Variants in PRIM2 observed in about 807,000 individuals in gnomAD.
The protein encoded by PRIM2 is DNA primase subunit 2, also known as DNA primase large subunit.
In PRIM2, 39 loss-of-function variants were observed where a neutral mutation model predicts 67.3. That is an observed-to-expected ratio of 0.58 (90% confidence interval 0.45 to 0.76). The LOEUF is 0.76. Among genes scored for constraint, PRIM2 ranks in the 30% least tolerant of loss-of-function variants. The pLI, the probability that PRIM2 is intolerant of heterozygous loss-of-function variation, is 0.00. For synonymous variants in PRIM2, 143 were observed against 198.7 expected, an observed-to-expected ratio of 0.72 and a Z score of 2.36; for missense variants, 398 against 598.7, an observed-to-expected ratio of 0.66 and a Z score of 3.50.
At chr6:57,387,579 T>G (rs569032939) in intron 7 of PRIM2, among the ~76,000 whole-genome samples, 8 of 152,180 alleles carry the variant, frequency 5.3e-5, no homozygotes, top group Non-Finnish European at 1.2e-4. Flanking sequence ...GTGATTTAGG[T>G]CTTCAAACTC....
chr6:57,507,442 T>A lies in PRIM2; in HGVS notation c.749T>A (p.Leu250His). The change falls in exon 8 of 14, where the codon CTC becomes CAC. Residue 250 changes from leucine (L) to histidine (H), a missense_variant. By Grantham distance (99) the Leu-to-His change is moderately conservative (BLOSUM62 -3). Coordinates refer to ENST00000615550, the MANE Select transcript of PRIM2 (RefSeq NM_000947.5). ...TCTGATGAAAGACTTCAGCCTCTGC[T>A]CAATCACCTCAGGTAATATAAGGGC... Reference protein sequence around the residue: ...VQSDERLQPLLNHLSHSYTGQ... With the variant: ...VQSDERLQPLHNHLSHSYTGQ... The A allele has an allele frequency of 2.6e-6, 4 of 1,539,688 alleles. No individual in the cohort carries two copies. The East Asian group carries it at 9.6e-5, about 37-fold the overall frequency.
chr6:57,223,087 G>A, the PRIM2 span, among the ~76,000 whole-genome samples: 1 of 152,104 alleles, frequency 6.6e-6, no homozygotes, highest in Non-Finnish European at 1.5e-5. Flanking sequence ...AAATTACACA[G>A]AGTTCATATA....
intron 7 of PRIM2, among the ~76,000 whole-genome samples, chr6:57,399,774 T>C (rs6938121): frequency 0.71 from 106,611 of 149,310 alleles, 38,187 homozygotes; most frequent in African/African-American, 0.81. Context: ...TTTTGATTTG[T>C]ATTTCTCTGA....
At chr6:57,642,444 T>A (rs1777257918) in intron 13 of PRIM2, among the ~76,000 whole-genome samples, 1 of 104,770 alleles carries the variant, frequency 9.5e-6, no homozygotes, top group Non-Finnish European at 2.1e-5. Context: ...TCTTTTTTTT[T>A]TTTTTTTTTT....
At chr6:57,311,516 C>A (rs1767389274), upstream of PRIM2, among the ~76,000 whole-genome samples, 1 of 152,026 alleles carries the variant, frequency 6.6e-6, no homozygotes, top group South Asian at 2.1e-4. Flanking sequence ...CAATGGGCGG[C>A]CAGGCAGAGA....
chr6:57,317,879 T>A (rs1025592900), intron 1 of PRIM2, among the ~76,000 whole-genome samples, 178 bp downstream of exon 1: 1 of 152,088 alleles, frequency 6.6e-6, no homozygotes, highest in Non-Finnish European at 1.5e-5. Flanking sequence ...AGAGATAGGT[T>A]TGCCAGTGGA....
At chr6:57,362,411 G>C (rs1405168218) in intron 5 of PRIM2, among the ~76,000 whole-genome samples, 1 of 152,106 alleles carries the variant, frequency 6.6e-6, no homozygotes, top group Non-Finnish European at 1.5e-5. Context: ...GGCTGCATCA[G>C]TGGTTCATGT....
intron 5 of PRIM2, among the ~76,000 whole-genome samples, chr6:57,370,185 TTAG>T (rs1769496512): frequency 6.6e-6 from 1 of 152,206 alleles, no homozygotes; most frequent in South Asian, 2.1e-4. Flanking sequence ...GTATTCTTTG[TTAG>T]TAGAAGTAGG....
In PRIM2 at chr6:57,537,759, A is replaced by G; in HGVS notation, c.1020+134A>G. 6 of 476,554 alleles carry G rather than the reference A, an allele frequency of 1.3e-5. 1 individual carries two copies. The highest frequency in any genetic ancestry group is 2.0e-5 in the Non-Finnish European group (6 of 294,796). The allele number at this position is 476,554 out of a possible 1,614,324, so 29.5% of individuals were successfully genotyped here. ...TTCTAAAAGGATAAATGTGTTGACAATTCAGTTTAGATAAAAAGAAACTTG... is the reference window on the plus strand; with the variant it reads ...TTCTAAAAGGATAAATGTGTTGACAGTTCAGTTTAGATAAAAAGAAACTTG... On this transcript the variant is annotated intron_variant, in intron 10 of 13. Transcript: ENST00000615550.
intron 8 of PRIM2, among the ~76,000 whole-genome samples, chr6:57,525,097 C>G (rs1774718874): frequency 6.6e-6 from 1 of 151,736 alleles, no homozygotes; most frequent in African/African-American, 2.4e-5. Context: ...TGTTTTTTCT[C>G]TAACCTAACC....
At chr6:57,385,490 C>T (rs1310410367) in intron 7 of PRIM2, among the ~76,000 whole-genome samples, 1 of 152,196 alleles carries the variant, frequency 6.6e-6, no homozygotes. Context: ...TCAAACAGAA[C>T]ATTTTCCTGC....
At chr6:57,295,979 T>G in the PRIM2 span, among the ~76,000 whole-genome samples, 6 of 152,218 alleles carry the variant, frequency 3.9e-5, no homozygotes, top group Non-Finnish European at 8.8e-5. Flanking sequence ...ACAACCATTT[T>G]GTGACATTTA....
At chr6:57,457,046 A>C (rs1334244946) in intron 7 of PRIM2, among the ~76,000 whole-genome samples, 3 of 152,150 alleles carry the variant, frequency 2.0e-5, no homozygotes, top group African/African-American at 7.2e-5. Context: ...AGTTTGCTGG[A>C]GGTCCACTCC....
chr6:57,602,629 A>G (rs1268335788), intron 11 of PRIM2, among the ~76,000 whole-genome samples: 3 of 152,236 alleles, frequency 2.0e-5, no homozygotes, highest in East Asian at 1.9e-4. Context: ...TTTGTCTGCA[A>G]ATTTCCAGGT....
At chr6:57,606,208 C>T (rs1315756490) in intron 11 of PRIM2, among the ~76,000 whole-genome samples, 167 bp from the exon 12 acceptor site, 3 of 152,162 alleles carry the variant, frequency 2.0e-5, no homozygotes, top group African/African-American at 7.2e-5. Context: ...GCTAAGTAAT[C>T]ATTTAGATAA....
chr6:57,342,770 T>TGA (rs1768534486), intron 5 of PRIM2, among the ~76,000 whole-genome samples: 1 of 152,188 alleles, frequency 6.6e-6, no homozygotes, highest in South Asian at 2.1e-4. Flanking sequence ...TTCAGGGAAG[T>TGA]GAGGGCTTTT....
At chr6:57,513,138 G>T (rs1394536869) in intron 8 of PRIM2, among the ~76,000 whole-genome samples, 3 of 151,276 alleles carry the variant, frequency 2.0e-5, no homozygotes, top group Admixed American at 2.0e-4. Context: ...AATCTAAGGA[G>T]CCTGCATCTC....
At chr6:57,278,547 T>A in the PRIM2 span, among the ~76,000 whole-genome samples, 3 of 152,222 alleles carry the variant, frequency 2.0e-5, no homozygotes. Flanking sequence ...ATAATCGAAT[T>A]TACAACTTTA....
intron 4 of PRIM2, among the ~76,000 whole-genome samples, chr6:57,325,509 G>T (rs1323197300): frequency 6.6e-6 from 1 of 152,036 alleles, no homozygotes; most frequent in African/African-American, 2.4e-5. Context: ...GCCCAGGCTG[G>T]TCTCAAACTT....
Sources: gnomAD v4.1 joint callset for allele counts (sites outside exome capture counted in the v4.1 genomes callset) on GRCh38, gnomAD v4.1.1 for gene constraint, MANE v1.5 for transcripts, NCBI Gene and HGNC (gene_info 2026-07-23, HGNC 2026-07-21) for gene names.